The following PCDHGA2 variants were observed in gnomAD, a reference collection of about 807,000 sequenced individuals.
The protein encoded by PCDHGA2 is protocadherin gamma subfamily A, 2.
In PCDHGA2, 40 loss-of-function variants were observed where a neutral mutation model predicts 59.2. The ratio of observed to expected loss-of-function variants is 0.68; its 90% CI spans 0.52 to 0.88. The LOEUF is 0.88. Ranked by LOEUF, PCDHGA2 falls within the 40% of genes least tolerant of loss-of-function variation. The pLI, the probability that PCDHGA2 is intolerant of heterozygous loss-of-function variation, is 0.00. For missense variants in PCDHGA2, 1,226 were observed against 1,204.0 expected (o/e 1.02, Z -0.27); for synonymous variants, 560 against 526.0 (o/e 1.06, Z -0.89).
At position 141,408,137 on chromosome 5, in the gene PCDHGA2, T is replaced by C; in HGVS notation, c.2424+66742T>C. ...CTCCTGTCCTGGGCCGAATGCTCTT[T>C]TAGCGCGGTAGAGTGCACTTTCTCC... On this transcript the variant is annotated intron_variant, in intron 1 of 3. Coordinates refer to ENST00000394576, the MANE Select transcript of PCDHGA2 (RefSeq NM_018915.4). 4.0e-6 allele frequency: 6 copies of C among 1,488,870 alleles called. No individual in the cohort carries two copies. The South Asian group carries it at 8.2e-5, about 20-fold the overall frequency. 92.2% of individuals were successfully genotyped at this position (1,488,870 alleles called of 1,614,324 possible).
chr5:141,345,863 G>C, intron 1 of PCDHGA2: 1 of 1,613,498 alleles, frequency 6.2e-7, no homozygotes, highest in African/African-American at 1.3e-5. Flanking sequence ...GCCTGCTCAA[G>C]GCCAGCGAGC....
rs961341807 is a variant in PCDHGA2 at position 141,486,262 on chromosome 5, A to G, written c.2425-8545A>G. The G allele has an allele frequency of 6.2e-6, 10 of 1,613,912 alleles. No individual in the cohort carries two copies. Among genetic ancestry groups the G allele is most frequent in the Non-Finnish European group, 8.5e-6 (10 of 1,179,986 alleles). On this transcript the variant is annotated intron_variant, in intron 1 of 3. Transcript: ENST00000394576. This position sits in a 1 kb window ranked among gnomAD's most constrained non-coding sequence, Gnocchi z 5.0. ...AGCTTGGAACCCTCCCCGAGAGTGC[A>G]GAACCTGGCACTGTGGTGGCACTTA...
intron 1 of PCDHGA2, chr5:141,356,838 G>A (rs1401052082): frequency 6.2e-7 from 1 of 1,614,174 alleles, no homozygotes; most frequent in South Asian, 1.1e-5. Context: ...GCAGCAATGT[G>A]TCACTGAGCC....
intron 1 of PCDHGA2, chr5:141,409,515 T>C (rs1273041163): frequency 5.0e-6 from 8 of 1,613,844 alleles, no homozygotes; most frequent in Non-Finnish European, 6.8e-6. Context: ...AGTAGAAGCA[T>C]CACCTTGTAT....
chr5:141,421,640 A>T (rs367946949), intron 1 of PCDHGA2: 1 of 1,613,716 alleles, frequency 6.2e-7, no homozygotes, highest in Non-Finnish European at 8.5e-7. Context: ...CAGGAGGACG[A>T]AGTGGAGATA....
chr5:141,399,753 G>A (rs1418820057), intron 1 of PCDHGA2: 6 of 1,613,252 alleles, frequency 3.7e-6, no homozygotes, highest in Middle Eastern at 1.7e-4. Flanking sequence ...GCGCAAACGT[G>A]AGCCTGCGCG....
intron 1 of PCDHGA2, chr5:141,427,310 C>A (rs989300491): frequency 2.2e-5 from 10 of 456,738 alleles, no homozygotes; most frequent in African/African-American, 1.8e-4. Flanking sequence ...ATGACAATGC[C>A]CCAGACGTGG....
chr5:141,388,474 A>G, intron 1 of PCDHGA2: 1 of 1,613,850 alleles, frequency 6.2e-7, no homozygotes, highest in Non-Finnish European at 8.5e-7. Flanking sequence ...ATGGTATTGA[A>G]GACACCTTTG....
At chr5:141,389,893 T>TGCCGGATATCACTGACC in intron 1 of PCDHGA2, 1 of 1,614,094 alleles carries the variant, frequency 6.2e-7, no homozygotes, top group Non-Finnish European at 8.5e-7. Context: ...CAGGAGGTGC[T>TGCCGGATATCACTGACC]GCCGGATATC....
intron 1 of PCDHGA2, among the ~76,000 whole-genome samples, chr5:141,347,445 A>C (rs1757967957): frequency 1.3e-5 from 2 of 152,042 alleles, no homozygotes; most frequent in Admixed American, 1.3e-4. Context: ...ATGAGCCACC[A>C]TGCCTGGCCT....
At chr5:141,375,738 T>C (rs1771822925) in intron 1 of PCDHGA2, 2 of 1,614,130 alleles carry the variant, frequency 1.2e-6, no homozygotes, top group African/African-American at 2.7e-5. Context: ...AGCCTGTTTG[T>C]GCTGGACCAG....
chr5:141,338,868 C>T lies in PCDHGA2; in HGVS notation c.-104C>T, dbSNP rs1588445140. 2 of 1,444,468 alleles carry T rather than the reference C, an allele frequency of 1.4e-6. No individual in the cohort carries two copies. The highest frequency in any genetic ancestry group is 2.5e-5 in the East Asian group (1 of 40,180). The allele number at this position is 1,444,468 out of a possible 1,614,324, so 89.5% of individuals were successfully genotyped here. A position where few individuals can be genotyped will look rare whatever the true frequency, so the allele number is the denominator to read the frequency against. The stretch of plus-strand genomic sequence containing the variant: ...AGCCCACCAGTTCTCTCCATAGGGA[C>T]CTGGGTCCCGTGAATGCTGGTTATC... On this transcript the variant is annotated 5_prime_UTR_variant, in exon 1 of 4. Coordinates refer to ENST00000394576, the MANE Select transcript of PCDHGA2 (RefSeq NM_018915.4).
intron 1 of PCDHGA2, chr5:141,364,163 A>G (rs1042010311): frequency 7.4e-6 from 5 of 674,008 alleles, no homozygotes; most frequent in African/African-American, 1.9e-5. Context: ...CGCAGAGGCG[A>G]CCCGACTCTG....
At chr5:141,507,563 G>A (rs2099861587) in intron 3 of PCDHGA2, among the ~76,000 whole-genome samples, 1 of 152,222 alleles carries the variant, frequency 6.6e-6, no homozygotes, top group Non-Finnish European at 1.5e-5. Flanking sequence ...CAGGCGGCTG[G>A]GTCTGAGGAG....
At chr5:141,398,936 AC>A in intron 1 of PCDHGA2, 1 of 1,613,962 alleles carries the variant, frequency 6.2e-7, no homozygotes, top group East Asian at 2.2e-5. Context: ...ACTGACCAAG[AC>A]GAGGGCATCA....
intron 1 of PCDHGA2, chr5:141,468,696 C>G (rs1483766202): frequency 6.6e-6 from 1 of 151,386 alleles, no homozygotes; most frequent in East Asian, 2.0e-4. Context: ...GAAACCCCGT[C>G]TCTACTAAAA....
intron 1 of PCDHGA2, chr5:141,398,933 A>C: frequency 1.2e-6 from 2 of 1,614,010 alleles, no homozygotes; most frequent in Non-Finnish European, 1.7e-6. Context: ...GCCACTGACC[A>C]AGACGAGGGC....
chr5:141,466,285 C>A (rs1271958613), intron 1 of PCDHGA2, among the ~76,000 whole-genome samples: 1 of 152,148 alleles, frequency 6.6e-6, no homozygotes, highest in African/African-American at 2.4e-5. Context: ...ATCTTCCCAC[C>A]TCAGGCTCCC....
chr5:141,381,820 C>CTTTCTTTCTTTCTTTCTTTCT (rs1279410534), intron 1 of PCDHGA2, among the ~76,000 whole-genome samples: 8 of 119,916 alleles, frequency 6.7e-5, no homozygotes, highest in African/African-American at 2.7e-4. Flanking sequence ...TTCTTTCTTT[C>CTTTCTTTCTTTCTTTCTTTCT]TTCTTCTTTT....
Sources: allele counts gnomAD v4.1 joint callset (sites outside exome capture counted in the v4.1 genomes callset), GRCh38; gene constraint gnomAD v4.1.1; non-coding constraint Gnocchi (gnomAD v3.1); transcripts MANE v1.5; gene names NCBI Gene and HGNC (gene_info 2026-07-23, HGNC 2026-07-21).